LPP: variants seen among roughly 807,000 people sequenced by gnomAD.
The protein encoded by LPP is lipoma-preferred partner.
LPP carries 38 observed loss-of-function variants against 60.4 expected under a neutral mutation model. The observed-to-expected ratio is 0.63, with a 90% CI of 0.49 to 0.83. The LOEUF (loss-of-function observed/expected upper bound fraction) is 0.83. LPP is among the 40% of genes least tolerant of loss of function. The probability of loss-of-function intolerance (pLI) is 0.00; values close to 1 mark genes in which losing one functional copy is unlikely to be tolerated. For synonymous variants in LPP, 328 were observed against 290.8 expected (o/e 1.13, Z -1.30); for missense variants, 902 against 783.6 (o/e 1.15, Z -1.80).
chr3:188,635,295 C>T (rs571930448), intron 7 of LPP, among the ~76,000 whole-genome samples: 15 of 152,234 alleles, frequency 9.9e-5, no homozygotes, highest in African/African-American at 3.1e-4. Context: ...TCAGTGGGGA[C>T]AGCTTAGAAA....
At position 188,532,847 on chromosome 3, in the gene LPP, T is replaced by A. The variant is rs138976673; in HGVS notation, c.429+8060T>A. On this transcript the variant is annotated intron_variant, in intron 6 of 11. Transcript: ENST00000617246. ...GGGATTGTTAGCTTGTGTCTGGAGT[T>A]TGTTTTAAAACTTCAGGCCTTTGAA... Among the ~76,000 whole-genome samples, 8 of 152,340 alleles carry A rather than the reference T, an allele frequency of 5.3e-5. No homozygotes were observed. The East Asian group carries it at 5.8e-4, about 11-fold the overall frequency.
Position 188,352,941 on chromosome 3 carries a change from T to C in LPP, c.-10+11222T>C, listed in dbSNP as rs991398324. Among the ~76,000 whole-genome samples, 1 of 152,148 alleles carries C rather than the reference T, an allele frequency of 6.6e-6. No homozygotes were observed. The highest frequency in any genetic ancestry group is 1.5e-5 in the Non-Finnish European group (1 of 68,024). On this transcript the variant is annotated intron_variant, in intron 3 of 11. Coordinates refer to ENST00000617246, the MANE Select transcript of LPP (RefSeq NM_001375462.1). The surrounding 1 kb of genome is among the most constrained non-coding windows in gnomAD (Gnocchi z 4.4). ...CTTTTCTGGGGGAGAATGTTTCTTATCAGATTCCGCAGATGGGTTCCTTGA... is the reference window on the plus strand; with the variant it reads ...CTTTTCTGGGGGAGAATGTTTCTTACCAGATTCCGCAGATGGGTTCCTTGA...
chr3:188,511,522 C>G (rs1021915842), intron 5 of LPP, among the ~76,000 whole-genome samples: 1 of 151,774 alleles, frequency 6.6e-6, no homozygotes, highest in Admixed American at 6.6e-5. Context: ...CCCATATAAT[C>G]TCTGCTTGGT....
At chr3:188,408,262 T>C (rs1784131914) in intron 4 of LPP, among the ~76,000 whole-genome samples, 1 of 151,910 alleles carries the variant, frequency 6.6e-6, no homozygotes, top group Non-Finnish European at 1.5e-5. Flanking sequence ...GGTATGAGAG[T>C]TCTTATAGGC....
chr3:188,389,552 G>C (rs1025802038), intron 3 of LPP, among the ~76,000 whole-genome samples: 1 of 152,118 alleles, frequency 6.6e-6, no homozygotes, highest in African/African-American at 2.4e-5. Context: ...AAGGTGGGTG[G>C]ATCACCTGAG....
intron 8 of LPP, among the ~76,000 whole-genome samples, chr3:188,715,545 A>C (rs538811771): frequency 2.0e-5 from 3 of 152,196 alleles, no homozygotes; most frequent in Non-Finnish European, 4.4e-5. Context: ...AAATTGGGAC[A>C]TCTACAGGGC....
chr3:188,280,933 ATT>A (rs71298542), intron 2 of LPP, among the ~76,000 whole-genome samples: 1,449 of 141,338 alleles, frequency 0.01, 19 homozygotes, highest in African/African-American at 0.026. Flanking sequence ...CGACAAAGGA[ATT>A]TTTTTTTTTT....
intron 5 of LPP, among the ~76,000 whole-genome samples, chr3:188,498,961 G>A (rs1473237342): frequency 6.6e-6 from 1 of 152,094 alleles, no homozygotes; most frequent in Non-Finnish European, 1.5e-5. Flanking sequence ...CTTCTTTGGA[G>A]AAATGTCTAT....
At chr3:188,349,923 T>C (rs1267400152) in intron 3 of LPP, among the ~76,000 whole-genome samples, 17 of 152,216 alleles carry the variant, frequency 1.1e-4, no homozygotes, top group African/African-American at 4.1e-4. Flanking sequence ...TTGCAGTCCA[T>C]GCCCTTTGCT....
At chr3:188,865,254 G>C (rs1766296709) in intron 9 of LPP, among the ~76,000 whole-genome samples, 1 of 152,198 alleles carries the variant, frequency 6.6e-6, no homozygotes, top group African/African-American at 2.4e-5. Context: ...ACTAACTGGT[G>C]TCTCTTTTAA....
intron 8 of LPP, among the ~76,000 whole-genome samples, chr3:188,748,486 A>G (rs775817785): frequency 1.3e-5 from 2 of 152,140 alleles, no homozygotes; most frequent in African/African-American, 2.4e-5. Flanking sequence ...GTGTTTAAAA[A>G]AAATAATAAA....
intron 1 of LPP, among the ~76,000 whole-genome samples, chr3:188,219,305 A>G (rs1363341369): frequency 6.6e-6 from 1 of 151,974 alleles, no homozygotes; most frequent in African/African-American, 2.4e-5. Context: ...TTATTCTTTG[A>G]CTCTATCCTG....
chr3:188,555,773 A>AGTATT (rs1829323132), intron 6 of LPP, among the ~76,000 whole-genome samples: 1 of 152,202 alleles, frequency 6.6e-6, no homozygotes, highest in Middle Eastern at 3.4e-3. Flanking sequence ...TAGAGATTCG[A>AGTATT]GTATTGGTTG....
intron 4 of LPP, among the ~76,000 whole-genome samples, chr3:188,406,927 C>T (rs77671704): frequency 3.4e-4 from 52 of 152,242 alleles, no homozygotes; most frequent in African/African-American, 1.0e-3. Flanking sequence ...TGAAGGTCTA[C>T]GTGAGCTCCA....
chr3:188,705,591 C>T (rs1412488636), intron 7 of LPP, among the ~76,000 whole-genome samples: 1 of 150,804 alleles, frequency 6.6e-6, no homozygotes, highest in Non-Finnish European at 1.5e-5. Flanking sequence ...ATATACTATG[C>T]TATATATATA....
chr3:188,569,601 T>G (rs556933132), intron 6 of LPP, among the ~76,000 whole-genome samples: 1 of 152,042 alleles, frequency 6.6e-6, no homozygotes, highest in Non-Finnish European at 1.5e-5. Flanking sequence ...AATTCACTTA[T>G]TTTTCTTAGT....
At chr3:188,645,748 T>C (rs974938736) in intron 7 of LPP, among the ~76,000 whole-genome samples, 10 of 151,972 alleles carry the variant, frequency 6.6e-5, no homozygotes, top group Admixed American at 3.9e-4. Flanking sequence ...AATTTTTATA[T>C]ACTTCTTTTA....
chr3:188,630,838 GC>G (rs1203221458), intron 7 of LPP, among the ~76,000 whole-genome samples: 10 of 152,302 alleles, frequency 6.6e-5, no homozygotes, highest in African/African-American at 1.7e-4. Context: ...GGAATACTGT[GC>G]AGCCATGAAA....
rs1409623901 is a variant in LPP at position 188,881,955 on chromosome 3, C to G, written c.*7476C>G. On this transcript the variant is annotated 3_prime_UTR_variant, in exon 12 of 12. Coordinates refer to ENST00000617246, the MANE Select transcript of LPP (RefSeq NM_001375462.1). The stretch of plus-strand genomic sequence containing the variant: ...ACATGTTAGAAAAAGTGAGCAGCTT[C>G]TTTCTCTAATCATTTAGGAGTCCAT... 4.6e-6 allele frequency: 1 copy of G among 217,072 alleles called. No homozygotes were observed. Among genetic ancestry groups the G allele is most frequent in the Non-Finnish European group, 9.3e-6 (1 of 107,962 alleles). The allele number at this position is 217,072 out of a possible 1,614,324, so 13.4% of individuals were successfully genotyped here.
Sources: allele counts gnomAD v4.1 joint callset (sites outside exome capture counted in the v4.1 genomes callset), GRCh38; gene constraint gnomAD v4.1.1; non-coding constraint Gnocchi (gnomAD v3.1); transcripts MANE v1.5; gene names NCBI Gene and HGNC (gene_info 2026-07-23, HGNC 2026-07-21).